Variants in ARHGAP28 observed in about 807,000 individuals in gnomAD.
ARHGAP28 encodes rho GTPase-activating protein 28.
In ARHGAP28, 56 loss-of-function variants were observed where a neutral mutation model predicts 90.7. That is an observed-to-expected ratio of 0.62 (90% CI 0.50 to 0.77). ARHGAP28 has a LOEUF of 0.77. ARHGAP28 is among the 30% of genes least tolerant of loss of function. The pLI, the probability that ARHGAP28 is intolerant of heterozygous loss-of-function variation, is 0.00. For synonymous variants in ARHGAP28, 308 were observed against 323.3 expected (o/e 0.95, Z 0.51); for missense variants, 869 against 900.9 (o/e 0.96, Z 0.45).
At chr18:6,787,788 ACTG>A (rs1379612831) in intron 1 of ARHGAP28, among the ~76,000 whole-genome samples, 1 of 152,208 alleles carries the variant, frequency 6.6e-6, no homozygotes, top group African/African-American at 2.4e-5. Flanking sequence ...CTCAAAGACA[ACTG>A]TATTTAAATA....
At chr18:6,842,581 T>C (rs2056835624) in intron 3 of ARHGAP28, among the ~76,000 whole-genome samples, 1 of 152,210 alleles carries the variant, frequency 6.6e-6, no homozygotes, top group South Asian at 2.1e-4. Context: ...TGTGTTTATT[T>C]TAGCATCGTT....
chr18:6,787,524 A>G (rs1210187566), intron 1 of ARHGAP28, among the ~76,000 whole-genome samples: 1 of 152,142 alleles, frequency 6.6e-6, no homozygotes, highest in Admixed American at 6.5e-5. Flanking sequence ...GAAACTTAAA[A>G]AAATTAGTTC....
intron 3 of ARHGAP28, among the ~76,000 whole-genome samples, chr18:6,841,191 C>CTCTCCTCTTTCTCTCTCTCCTCTT (rs2056817839): frequency 4.5e-5 from 3 of 65,952 alleles, no homozygotes; most frequent in African/African-American, 2.5e-4. Flanking sequence ...CTCTCTCTCT[C>CTCTCCTCTTTCTCTCTCTCCTCTT]TCTCTCTCTC....
At chr18:6,896,743 G>A in intron 16 of ARHGAP28, 117 bp downstream of exon 16, 1 of 1,193,836 alleles carries the variant, frequency 8.4e-7, no homozygotes, top group Non-Finnish European at 1.1e-6. Context: ...GTTGCTTTAG[G>A]GAGTTTACCA....
intron 5 of ARHGAP28, among the ~76,000 whole-genome samples, chr18:6,865,627 T>C (rs2057032444): frequency 6.6e-6 from 1 of 152,126 alleles, no homozygotes; most frequent in Non-Finnish European, 1.5e-5. Context: ...TCAGTGAAAT[T>C]TTAAGTAGTG....
intron 1 of ARHGAP28, among the ~76,000 whole-genome samples, chr18:6,740,796 C>T (rs1219871811): frequency 6.6e-6 from 1 of 152,150 alleles, no homozygotes; most frequent in African/African-American, 2.4e-5. Context: ...TAGCCAGGAA[C>T]AATGTCTGTG....
chr18:6,853,924 A>G (rs768916764), intron 4 of ARHGAP28, among the ~76,000 whole-genome samples: 24 of 152,306 alleles, frequency 1.6e-4, no homozygotes, highest in Admixed American at 3.9e-4. Flanking sequence ...TACTCTGACC[A>G]CCGTGGGCAC....
intron 1 of ARHGAP28, among the ~76,000 whole-genome samples, chr18:6,786,994 C>T (rs567635838): frequency 2.6e-5 from 4 of 151,932 alleles, no homozygotes; most frequent in East Asian, 3.9e-4. Flanking sequence ...CTGATGCCGA[C>T]GGATCACCTG....
chr18:6,781,178 A>G (rs956094474), intron 1 of ARHGAP28, among the ~76,000 whole-genome samples: 1 of 152,140 alleles, frequency 6.6e-6, no homozygotes, highest in Non-Finnish European at 1.5e-5. Context: ...TTGCATCTGG[A>G]GAGGCAGTCG....
At chr18:6,839,114 A>C (rs1322894203) in intron 3 of ARHGAP28, among the ~76,000 whole-genome samples, 1 of 152,132 alleles carries the variant, frequency 6.6e-6, no homozygotes, top group Non-Finnish European at 1.5e-5. Flanking sequence ...ATTTTATGGG[A>C]AATTGGGATA....
intron 1 of ARHGAP28, among the ~76,000 whole-genome samples, chr18:6,813,823 G>T (rs574024691): frequency 2.6e-5 from 4 of 152,024 alleles, no homozygotes; most frequent in Non-Finnish European, 5.9e-5. Flanking sequence ...TTCATTTTTC[G>T]TATCTATAAA....
intron 3 of ARHGAP28, among the ~76,000 whole-genome samples, chr18:6,849,057 C>G (rs930876838): frequency 2.0e-5 from 3 of 150,490 alleles, no homozygotes; most frequent in African/African-American, 7.3e-5. Flanking sequence ...TGAAACCAGC[C>G]TGGGTGAAAA....
In ARHGAP28 at chr18:6,887,214, C is replaced by CTGATGCCA. The variant is rs768329258; in HGVS notation, c.1512_1519dup (p.Asn507MetfsTer12). ...TTACACCTCATGGTCATGGCGCTGC[C>CTGATGCCA]TGATGCCAACAGAGATGCAGCTCAG... is the stretch of plus-strand genomic sequence containing the variant. On this transcript the variant is annotated frameshift_variant, in exon 12 of 18. Transcript: ENST00000383472. LOFTEE classifies it high-confidence loss of function. 6.2e-7 allele frequency: 1 copy of CTGATGCCA among 1,614,168 alleles called. No individual in the cohort carries two copies. Among genetic ancestry groups the CTGATGCCA allele is most frequent in the East Asian group, 2.2e-5 (1 of 44,878 alleles).
Position 6,851,029 on chromosome 18 carries a change from G to T in ARHGAP28, c.544-5G>T. On this transcript the variant is annotated splice_region_variant and splice_polypyrimidine_tract_variant and intron_variant, in intron 3 of 17. Coordinates refer to ENST00000383472, the MANE Select transcript of ARHGAP28 (RefSeq NM_001366230.1). ...GATAAACGTGGCTTTCATTTCTTCC[G>T]TTAGCCTCGTGATACCTGTGGCAAC... The T allele has an allele frequency of 6.2e-7, 1 of 1,613,880 alleles. No individual in the cohort carries two copies. The highest frequency in any genetic ancestry group is 8.5e-7 in the Non-Finnish European group (1 of 1,179,924).
At chr18:6,745,621 C>A (rs750992756) in intron 1 of ARHGAP28, among the ~76,000 whole-genome samples, 1 of 152,150 alleles carries the variant, frequency 6.6e-6, no homozygotes, top group Admixed American at 6.5e-5. Context: ...TTTCTTCATG[C>A]ACTTTGTTCC....
At chr18:6,815,131 A>T (rs1219487146) in intron 1 of ARHGAP28, among the ~76,000 whole-genome samples, 1 of 152,224 alleles carries the variant, frequency 6.6e-6, no homozygotes, top group Non-Finnish European at 1.5e-5. Context: ...ATATATGTCA[A>T]GCTTATAAAT....
chr18:6,850,660 T>C, intron 3 of ARHGAP28: 1 of 646,098 alleles, frequency 1.5e-6, no homozygotes. Context: ...CTCCACCAAG[T>C]AGAATTACAT....
In ARHGAP28 at chr18:6,914,819, G is replaced by C. The variant is rs142497152; in HGVS notation, c.*2665G>C. On this transcript the variant is annotated 3_prime_UTR_variant, in exon 18 of 18. Coordinates refer to ENST00000383472, the MANE Select transcript of ARHGAP28 (RefSeq NM_001366230.1). ...TTATTCAGAAAAAAATCCTAGAGTT[G>C]ATTCATTGTTTTCCTCCATCCTGCA... is the stretch of plus-strand genomic sequence containing the variant. 6.0e-4 allele frequency: 91 copies of C among 152,576 alleles called. 1 individual carries two copies. Among genetic ancestry groups the C allele is most frequent in the African/African-American group, 2.1e-3 (87 of 41,534 alleles). 9.5% of individuals were successfully genotyped at this position (152,576 alleles called of 1,614,324 possible). A position where few individuals can be genotyped will look rare whatever the true frequency, so the allele number is the denominator to read the frequency against.
chr18:6,824,870 C>CA lies in ARHGAP28; in HGVS notation c.232dup (p.Met78AsnfsTer12), dbSNP rs1567959629. ...CAGAAGCCTCCGTAGACAGCGCCTC[C>CA]ATGGAGGATTTCTGGCGGGAAATAG... is the stretch of plus-strand genomic sequence containing the variant. On this transcript the variant is annotated frameshift_variant, in exon 2 of 18. Coordinates refer to ENST00000383472, the MANE Select transcript of ARHGAP28 (RefSeq NM_001366230.1). LOFTEE classifies it high-confidence loss of function. The CA allele has an allele frequency of 6.5e-7, 1 of 1,536,246 alleles. No individual in the cohort carries two copies. The highest frequency in any genetic ancestry group is 8.7e-7 in the Non-Finnish European group (1 of 1,146,962).
Sources: allele counts gnomAD v4.1 joint callset (sites outside exome capture counted in the v4.1 genomes callset), GRCh38; gene constraint gnomAD v4.1.1; transcripts MANE v1.5; gene names NCBI Gene and HGNC (gene_info 2026-07-23, HGNC 2026-07-21).